The following ITPRIP variants were observed in gnomAD, a reference collection of about 807,000 sequenced individuals.
ITPRIP encodes the protein inositol 1,4,5-trisphosphate receptor interacting protein, also known as inositol 1,4,5-trisphosphate receptor-interacting protein.
In ITPRIP, 32 loss-of-function variants were observed where a neutral mutation model predicts 35.8. That is an observed-to-expected ratio of 0.89 (90% CI 0.68 to 1.20). The LOEUF (loss-of-function observed/expected upper bound fraction) is 1.20. ITPRIP is among the 50% of genes most tolerant of loss of function. The probability of loss-of-function intolerance (pLI) is 0.00; values close to 1 mark genes in which losing one functional copy is unlikely to be tolerated. For synonymous variants in ITPRIP, 358 were observed against 324.0 expected, an observed-to-expected ratio of 1.11 and a Z score of -1.13; for missense variants, 653 against 735.6, an observed-to-expected ratio of 0.89 and a Z score of 1.30.
chr10:104,337,306 C>T (rs1337094478), intron 1 of ITPRIP, among the ~76,000 whole-genome samples: 8 of 152,116 alleles, frequency 5.3e-5, no homozygotes, highest in Non-Finnish European at 1.0e-4. Context: ...CGATTTAGAT[C>T]CAAAAGACCA....
chr10:104,332,843 T>A (rs1027055628), intron 1 of ITPRIP, among the ~76,000 whole-genome samples: 1 of 152,252 alleles, frequency 6.6e-6, no homozygotes, highest in Non-Finnish European at 1.5e-5. Flanking sequence ...TGAGGTGAAC[T>A]GTGAGACGGG....
intron 1 of ITPRIP, among the ~76,000 whole-genome samples, chr10:104,322,756 GA>G (rs1178222988): frequency 6.6e-6 from 1 of 152,238 alleles, no homozygotes; most frequent in African/African-American, 2.4e-5. Context: ...GAGCCAAAAG[GA>G]GTAGCTGATA....
rs1043959446 is a variant in ITPRIP, at chr10:104,336,445, C to T, written c.-14+1801G>A. On this transcript the variant is annotated intron_variant, in intron 1 of 1. Coordinates refer to ENST00000337478, the MANE Select transcript of ITPRIP (RefSeq NM_001272013.2). ...AGACTCTCAACTCGAAACATGGAAC[C>T]TGAGTCTTGGACTCTGAAAGCACCT... Among the ~76,000 whole-genome samples the T allele has an allele frequency of 3.4e-5, 5 of 148,610 alleles. No homozygotes were observed. The East Asian group carries it at 1.0e-3, about 30-fold the overall frequency.
rs894343293 is a variant in ITPRIP, at chr10:104,313,191, C to G, written c.*1217G>C. On this transcript the variant is annotated 3_prime_UTR_variant, in exon 2 of 2. Transcript: ENST00000337478. ...CATAGTTCTTGCTTCCATGCACACC[C>G]TGCCCTAGGATTGGGACCCTGAGGA... 4 of 985,494 alleles carry G rather than the reference C, an allele frequency of 4.1e-6. No homozygotes were observed. The highest frequency in any genetic ancestry group is 4.8e-6 in the Non-Finnish European group (4 of 830,068). The allele number at this position is 985,494 out of a possible 1,614,324, so 61.0% of individuals were successfully genotyped here.
At position 104,326,752 on chromosome 10, in the gene ITPRIP, T is replaced by C. The variant is rs1281229632; in HGVS notation, c.-13-10688A>G. 6.6e-6 allele frequency: 1 copy of C among 152,266 alleles called. No homozygotes were observed. The highest frequency in any genetic ancestry group is 1.5e-5 in the Non-Finnish European group (1 of 68,052). The allele number at this position is 152,266 out of a possible 1,614,324, so 9.4% of individuals were successfully genotyped here. On this transcript the variant is annotated intron_variant, in intron 1 of 1. Transcript: ENST00000337478. This position sits in a 1 kb window ranked among gnomAD's most constrained non-coding sequence, Gnocchi z 4.8. The stretch of plus-strand genomic sequence containing the variant: ...TAAAGAACTTGAGATGAGATCATCC[T>C]GGATTACCCGGGTGGGCCTTAAATC...
At position 104,311,989 on chromosome 10, in the gene ITPRIP, T is replaced by C. The variant is rs2013499332; in HGVS notation, c.*2419A>G. On this transcript the variant is annotated 3_prime_UTR_variant, in exon 2 of 2. Transcript: ENST00000337478. ...ACAGGGTAGAAATGTTCTGTTTTGT[T>C]ATTTTTTAAAGTCTCCTGAAAGTGT... 1 of 152,226 alleles carries C rather than the reference T, an allele frequency of 6.6e-6. No individual in the cohort carries two copies. Among genetic ancestry groups the C allele is most frequent in the Non-Finnish European group, 1.5e-5 (1 of 68,044 alleles). The allele number at this position is 152,226 out of a possible 1,614,324, so 9.4% of individuals were successfully genotyped here.
chr10:104,315,339 T>G lies in ITPRIP; in HGVS notation c.713A>C (p.Gln238Pro), dbSNP rs2013634556. 1 of 1,563,642 alleles carries G rather than the reference T, an allele frequency of 6.4e-7. No homozygotes were observed. The highest frequency in any genetic ancestry group is 1.8e-5 in the Admixed American group (1 of 56,232). Residue 238 changes from glutamine to proline, a missense_variant, in exon 2 of 2, where the codon CAG becomes CCG. Gln to Pro is a moderately conservative substitution (Grantham distance 76). Transcript: ENST00000337478. This position sits in a 1 kb window ranked among gnomAD's most constrained non-coding sequence, Gnocchi z 5.7. ...GACCACCTTGATCTGGCCGTAGCCC[T>G]GGCGATCCAGGGGCACTGAGCGGCC... The part of the protein sequence containing the change: ...CSGRSVPLDR[Q>P]GYGQIKVVRA...
Position 104,314,683 on chromosome 10 carries a change from G to A in ITPRIP, c.1369C>T (p.Arg457Cys), listed in dbSNP as rs1225301265. ...AGGAAGCACAGCAACTCGTGCAGAC[G>A]AGCGTCCAGCTGCCCCGCCTTCCAG... ...ADWKAGQLDARLHELLCFLEK... is the reference protein window; with the variant it reads ...ADWKAGQLDACLHELLCFLEK... The change falls in exon 2 of 2, where the codon CGT becomes TGT. Residue 457 changes from arginine to cysteine, a missense_variant. Transcript: ENST00000337478. The A allele has an allele frequency of 1.9e-6, 3 of 1,613,850 alleles. No individual in the cohort carries two copies. In the Admixed American group the frequency reaches 5.0e-5, roughly 27 times the overall value.
rs1340528725 is a variant in ITPRIP at position 104,311,392 on chromosome 10, T to A, written c.*3016A>T. On this transcript the variant is annotated 3_prime_UTR_variant, in exon 2 of 2. Coordinates refer to ENST00000337478, the MANE Select transcript of ITPRIP (RefSeq NM_001272013.2). Reference sequence around the variant, plus strand: ...GGTACCATCAGTCACTTGGGGGAAATCTTTAAAAATCGAGCCTAGCCTGAC... The same window carrying A: ...GGTACCATCAGTCACTTGGGGGAAAACTTTAAAAATCGAGCCTAGCCTGAC... 6.6e-6 allele frequency: 1 copy of A among 152,092 alleles called. No individual in the cohort carries two copies. The highest frequency in any genetic ancestry group is 1.5e-5 in the Non-Finnish European group (1 of 68,018). The allele number at this position is 152,092 out of a possible 1,614,324, so 9.4% of individuals were successfully genotyped here.
At position 104,314,550 on chromosome 10, in the gene ITPRIP, T is replaced by C; in HGVS notation, c.1502A>G (p.Asn501Ser). The C allele has an allele frequency of 6.2e-7, 1 of 1,614,046 alleles. No individual in the cohort carries two copies. Among genetic ancestry groups the C allele is most frequent in the Non-Finnish European group, 8.5e-7 (1 of 1,179,986 alleles). The change falls in exon 2 of 2, where the codon AAC becomes AGC. Residue 501 changes from asparagine to serine, a missense_variant. Coordinates refer to ENST00000337478, the MANE Select transcript of ITPRIP (RefSeq NM_001272013.2). Reference sequence around the variant, plus strand: ...CTGCAGGACGAAGGGCCGGAAGAGGTTGAGGGGCTCGGCCCTGAGCACGGC... The same window carrying C: ...CTGCAGGACGAAGGGCCGGAAGAGGCTGAGGGGCTCGGCCCTGAGCACGGC... ...PEAVLRAEPL[N>S]LFRPFVLQRS...
intron 1 of ITPRIP, chr10:104,323,439 G>C (rs2013907003): frequency 6.6e-6 from 1 of 152,444 alleles, no homozygotes; most frequent in African/African-American, 2.4e-5. Flanking sequence ...CCTAGGCTGA[G>C]TCTGCCCCTC....
chr10:104,329,296 C>T (rs1375440843), intron 1 of ITPRIP, among the ~76,000 whole-genome samples: 6 of 152,114 alleles, frequency 3.9e-5, no homozygotes, highest in Non-Finnish European at 8.8e-5. Flanking sequence ...ACCAGTCCTC[C>T]TCCTCTCTGG....
At chr10:104,324,691 G>A (rs962165537) in intron 1 of ITPRIP, among the ~76,000 whole-genome samples, 3 of 152,170 alleles carry the variant, frequency 2.0e-5, no homozygotes, top group Admixed American at 6.5e-5. Flanking sequence ...GTGTCTGGGA[G>A]GGCCAGCCCG....
intron 1 of ITPRIP, among the ~76,000 whole-genome samples, chr10:104,320,711 T>C (rs938318487): frequency 2.0e-5 from 3 of 152,062 alleles, no homozygotes; most frequent in East Asian, 1.9e-4. Flanking sequence ...CTAATTTTTA[T>C]ATTTCTAGTA....
At chr10:104,335,820 C>G (rs968539689) in intron 1 of ITPRIP, among the ~76,000 whole-genome samples, 5 of 152,184 alleles carry the variant, frequency 3.3e-5, no homozygotes, top group Non-Finnish European at 7.3e-5. Flanking sequence ...CTCTGGAACA[C>G]TTAACATCCC....
intron 1 of ITPRIP, among the ~76,000 whole-genome samples, chr10:104,321,794 A>G (rs1474621683): frequency 6.6e-6 from 1 of 151,518 alleles, no homozygotes; most frequent in Non-Finnish European, 1.5e-5. Flanking sequence ...CCAAGAGGCT[A>G]AGTCATTTTC....
Position 104,309,701 on chromosome 10 carries a change from C to T in ITPRIP, c.*4707G>A, listed in dbSNP as rs889320609. Reference sequence around the variant, plus strand: ...AAAAAGATAACCAAGAAGAATTAGTCGGTATGATGCCATTTATGTAAAAAA... The same window carrying T: ...AAAAAGATAACCAAGAAGAATTAGTTGGTATGATGCCATTTATGTAAAAAA... On this transcript the variant is annotated 3_prime_UTR_variant, in exon 2 of 2. Coordinates refer to ENST00000337478, the MANE Select transcript of ITPRIP (RefSeq NM_001272013.2). 7 of 151,884 alleles carry T rather than the reference C, an allele frequency of 4.6e-5. No homozygotes were observed. The highest frequency in any genetic ancestry group is 3.2e-3 in the Middle Eastern group (1 of 316). The allele number at this position is 151,884 out of a possible 1,614,324, so 9.4% of individuals were successfully genotyped here.
intron 1 of ITPRIP, among the ~76,000 whole-genome samples, chr10:104,332,274 CGGT>C (rs2014165226): frequency 6.6e-6 from 1 of 151,984 alleles, no homozygotes; most frequent in Non-Finnish European, 1.5e-5. Flanking sequence ...ATATCCATAA[CGGT>C]GGATTCTGCA....
chr10:104,329,038 C>G (rs946800963), intron 1 of ITPRIP: 2 of 132,444 alleles, frequency 1.5e-5, no homozygotes, highest in East Asian at 4.0e-4. Context: ...GCCTCCTGCA[C>G]GCATGCACAC....
Sources: allele counts gnomAD v4.1 joint callset (sites outside exome capture counted in the v4.1 genomes callset), GRCh38; gene constraint gnomAD v4.1.1; non-coding constraint Gnocchi (gnomAD v3.1); transcripts MANE v1.5; gene names NCBI Gene and HGNC (gene_info 2026-07-23, HGNC 2026-07-21).